SBNO2: variants seen among roughly 807,000 people sequenced by gnomAD.
The protein encoded by SBNO2 is strawberry notch homolog 2, also known as protein strawberry notch homolog 2.
Under a neutral mutation model 146.3 loss-of-function variants are expected in SBNO2, and 89 were observed. The ratio of observed to expected loss-of-function variants is 0.61; its 90% CI spans 0.51 to 0.73. The LOEUF is 0.73. Ranked by LOEUF, SBNO2 falls within the 30% of genes least tolerant of loss-of-function variation. SBNO2 has a pLI of 0.00. For missense variants in SBNO2, 2,092 were observed against 2,003.7 expected, an observed-to-expected ratio of 1.04 and a Z score of -0.84; for synonymous variants, 1,147 against 892.6, an observed-to-expected ratio of 1.29 and a Z score of -5.08.
chr19:1,128,953 A>G lies in SBNO2; in HGVS notation c.280-1188T>C, dbSNP rs1468024876. 1.6e-4 allele frequency among the ~76,000 whole-genome samples: 21 copies of G among 128,764 alleles called. 1 individual carries two copies. In the Admixed American group the frequency reaches 1.7e-3, roughly 10 times the overall value. The allele number at this position is 128,764 out of a possible 152,430, so 84.5% of individuals were successfully genotyped here. A position where few individuals can be genotyped will look rare whatever the true frequency, so the allele number is the denominator to read the frequency against. ...AACTACATTCCAGCCTGGGTGACAG[A>G]GCAAGACTCTGTCTCAAAAAAAAAA... On this transcript the variant is annotated intron_variant, in intron 4 of 31. Coordinates refer to ENST00000361757, the MANE Select transcript of SBNO2 (RefSeq NM_014963.3).
chr19:1,127,606 T>C lies in SBNO2; in HGVS notation c.439A>G (p.Lys147Glu). The change falls in exon 5 of 32, where the codon AAG (lysine) becomes GAG (glutamate). Residue 147 changes from lysine (K) to glutamate (E), a missense_variant and splice_region_variant. Transcript: ENST00000361757. ...CTGGGGGCACCGGGCGCACTGACCT[T>C]ATCGTGGGTGGAGGGGGCAGGGTTA... is the stretch of plus-strand genomic sequence containing the variant. Reference protein sequence around the residue: ...DDNPAPSTHDKLFQLSRPFAG... With the variant: ...DDNPAPSTHDELFQLSRPFAG... The C allele has an allele frequency of 6.2e-7, 1 of 1,612,192 alleles. No individual in the cohort carries two copies. Among genetic ancestry groups the C allele is most frequent in the South Asian group, 1.1e-5 (1 of 91,032 alleles).
chr19:1,150,126 G>C lies in SBNO2; in HGVS notation c.94-684C>G, dbSNP rs919340065. Among the ~76,000 whole-genome samples the C allele has an allele frequency of 6.6e-6, 1 of 152,144 alleles. No homozygotes were observed. Among genetic ancestry groups the C allele is most frequent in the Non-Finnish European group, 1.5e-5 (1 of 67,998 alleles). On this transcript the variant is annotated intron_variant, in intron 2 of 31. Coordinates refer to ENST00000361757, the MANE Select transcript of SBNO2 (RefSeq NM_014963.3). This position sits in a 1 kb window ranked among gnomAD's most constrained non-coding sequence, Gnocchi z 6.2. Reference sequence around the variant, plus strand: ...GGTTGGCCGAATCTCTGGTGGGTCTGACTCCAGGCCAGGCTTACCCAACAC... The same window carrying C: ...GGTTGGCCGAATCTCTGGTGGGTCTCACTCCAGGCCAGGCTTACCCAACAC...
At chr19:1,159,486 G>C (rs1195385057) in intron 1 of SBNO2, among the ~76,000 whole-genome samples, 1 of 107,012 alleles carries the variant, frequency 9.3e-6, no homozygotes, top group Non-Finnish European at 2.0e-5. Flanking sequence ...GGGACAGCAG[G>C]GGACAGTGGG....
chr19:1,117,346 G>C lies in SBNO2; in HGVS notation c.1681C>G (p.Arg561Gly), dbSNP rs1196515584. The C allele has an allele frequency of 6.3e-7, 1 of 1,576,008 alleles. No individual in the cohort carries two copies. The highest frequency in any genetic ancestry group is 8.6e-7 in the Non-Finnish European group (1 of 1,162,206). ...ACCTTGTCTCGCGCCAGCTCCTCTC[G>C]GGCCAGCTCCACCAGCCGGCGCACC... The part of the protein sequence containing the change: ...AKVRRLVELA[R>G]EELARDKCVV... Residue 561 changes from arginine to glycine, a missense_variant, in exon 15 of 32, where the codon CGA becomes GGA. Arg to Gly is a moderately radical substitution (Grantham distance 125). Coordinates refer to ENST00000361757, the MANE Select transcript of SBNO2 (RefSeq NM_014963.3).
chr19:1,123,772 C>A, intron 6 of SBNO2, 133 bp from the exon 7 acceptor site: 1 of 1,086,254 alleles, frequency 9.2e-7, no homozygotes, highest in South Asian at 1.5e-5. Flanking sequence ...CTCTGTCTGC[C>A]CCTGCAGCAA....
At chr19:1,152,656 C>T (rs920170312) in intron 2 of SBNO2, among the ~76,000 whole-genome samples, 1 of 152,176 alleles carries the variant, frequency 6.6e-6, no homozygotes, top group Admixed American at 6.5e-5. Context: ...ACCCTGGCCC[C>T]AGCTCAGAGC....
chr19:1,131,930 C>G (rs988583469), intron 4 of SBNO2, among the ~76,000 whole-genome samples: 1 of 152,238 alleles, frequency 6.6e-6, no homozygotes, highest in East Asian at 1.9e-4. Flanking sequence ...CCAGAAGAGA[C>G]GGACGGGGCG....
At position 1,109,272 on chromosome 19, in the gene SBNO2, T is replaced by A; in HGVS notation, c.3348+20A>T. On this transcript the variant is annotated intron_variant, in intron 29 of 31. Coordinates refer to ENST00000361757, the MANE Select transcript of SBNO2 (RefSeq NM_014963.3). This position sits in a 1 kb window ranked among gnomAD's most constrained non-coding sequence, Gnocchi z 4.2. The stretch of plus-strand genomic sequence containing the variant: ...CAGGGCCGGCAACCCGAGCGAAAGC[T>A]GCGCCCGGCGGCCGCCTACCCGGTG... 6.3e-7 allele frequency: 1 copy of A among 1,584,528 alleles called. No homozygotes were observed. The highest frequency in any genetic ancestry group is 8.6e-7 in the Non-Finnish European group (1 of 1,166,162).
chr19:1,168,355 C>T (rs1400419500), intron 1 of SBNO2, among the ~76,000 whole-genome samples: 2 of 152,190 alleles, frequency 1.3e-5, no homozygotes, highest in East Asian at 1.9e-4. Context: ...CGGGCAACAC[C>T]GACAGCCATT....
chr19:1,133,414 T>C (rs1041723631), intron 4 of SBNO2, among the ~76,000 whole-genome samples: 2 of 151,598 alleles, frequency 1.3e-5, no homozygotes, highest in African/African-American at 4.9e-5. Context: ...GAGGGGAGAG[T>C]GGGACCAGGG....
chr19:1,169,014 G>C (rs562934667), intron 1 of SBNO2: 1 of 152,272 alleles, frequency 6.6e-6, no homozygotes, highest in Non-Finnish European at 1.5e-5. Flanking sequence ...GGCCAAGGCC[G>C]CCTCTTTCGG....
intron 1 of SBNO2, among the ~76,000 whole-genome samples, chr19:1,164,429 G>GAAC (rs1568643512): frequency 4.3e-4 from 7 of 16,106 alleles, no homozygotes; most frequent in African/African-American, 7.1e-4. Flanking sequence ...ACAGGAGGAG[G>GAAC]AGGAGGAGGA....
chr19:1,132,079 G>T, intron 4 of SBNO2: 21 of 1,527,186 alleles, frequency 1.4e-5, no homozygotes, highest in Non-Finnish European at 1.8e-5. Context: ...GCCCCGGGAA[G>T]GGAGTGTTAC....
In SBNO2 at chr19:1,158,766, G is replaced by A. The variant is rs2080315955; in HGVS notation, c.-126-4364C>T. ...TCCCTGCGTCCCAGGACCTGAAGAT[G>A]GCAAGGAGCAGGCCCCCGGGTGTCC... On this transcript the variant is annotated intron_variant, in intron 1 of 31. Coordinates refer to ENST00000361757, the MANE Select transcript of SBNO2 (RefSeq NM_014963.3). This position sits in a 1 kb window ranked among gnomAD's most constrained non-coding sequence, Gnocchi z 9.9. Among the ~76,000 whole-genome samples, 1 of 152,170 alleles carries A rather than the reference G, an allele frequency of 6.6e-6. No individual in the cohort carries two copies. Among genetic ancestry groups the A allele is most frequent in the Admixed American group, 6.5e-5 (1 of 15,288 alleles).
chr19:1,129,558 C>T (rs1042625345), intron 4 of SBNO2, among the ~76,000 whole-genome samples: 2 of 152,140 alleles, frequency 1.3e-5, no homozygotes, highest in Admixed American at 6.5e-5. Flanking sequence ...CTGGAGGCCC[C>T]GATCGGCAGG....
In SBNO2 at chr19:1,109,926, C is replaced by A. The variant is rs540936815; in HGVS notation, c.3029-149G>T. 3.2e-6 allele frequency: 2 copies of A among 632,944 alleles called. No individual in the cohort carries two copies. The highest frequency in any genetic ancestry group is 2.0e-5 in the South Asian group (1 of 50,576). 39.2% of individuals were successfully genotyped at this position (632,944 alleles called of 1,614,324 possible). A position where few individuals can be genotyped will look rare whatever the true frequency, so the allele number is the denominator to read the frequency against. On this transcript the variant is annotated intron_variant, in intron 26 of 31. Transcript: ENST00000361757. The surrounding 1 kb of genome is among the most constrained non-coding windows in gnomAD (Gnocchi z 4.2). Reference sequence around the variant, plus strand: ...TGGATCCTGGCCTGACCTGGCCCAGCGTGGGGATGGTGCACGTGGGCCCCA... The same window carrying A: ...TGGATCCTGGCCTGACCTGGCCCAGAGTGGGGATGGTGCACGTGGGCCCCA...
chr19:1,173,889 G>C lies in SBNO2; in HGVS notation c.-127+283C>G, dbSNP rs1360063892. On this transcript the variant is annotated intron_variant, in intron 1 of 31. Transcript: ENST00000361757. The surrounding 1 kb of genome is among the most constrained non-coding windows in gnomAD (Gnocchi z 4.7). ...TTGGGAGGGTTGTCGTGGAAGGTAG[G>C]GTTAAGGTTCACGGCAGGGGGTCGC... 6.6e-6 allele frequency: 1 copy of C among 150,378 alleles called. No homozygotes were observed. Among genetic ancestry groups the C allele is most frequent in the Non-Finnish European group, 1.5e-5 (1 of 67,458 alleles). The allele number at this position is 150,378 out of a possible 1,614,324, so 9.3% of individuals were successfully genotyped here.
chr19:1,112,754 C>T lies in SBNO2; in HGVS notation c.2379+64G>A. 3 of 1,507,404 alleles carry T rather than the reference C, an allele frequency of 2.0e-6. No homozygotes were observed. The highest frequency in any genetic ancestry group is 2.1e-5 in the Admixed American group (1 of 48,690). 93.4% of individuals were successfully genotyped at this position (1,507,404 alleles called of 1,614,324 possible). On this transcript the variant is annotated intron_variant, in intron 20 of 31. Transcript: ENST00000361757. The surrounding 1 kb of genome is among the most constrained non-coding windows in gnomAD (Gnocchi z 5.9). ...TGCGCGGGTCCACAGTCCCCGGGGACCCTTGGGCCCCTCTGTGCCTCTTGG... is the reference window on the plus strand; with the variant it reads ...TGCGCGGGTCCACAGTCCCCGGGGATCCTTGGGCCCCTCTGTGCCTCTTGG...
At chr19:1,124,107 G>C in intron 5 of SBNO2, 85 bp from the exon 6 acceptor site, 1 of 1,264,502 alleles carries the variant, frequency 7.9e-7, no homozygotes, top group Non-Finnish European at 1.1e-6. Context: ...CCAGAGGGAG[G>C]CTCCCCACTG....
Sources: gnomAD v4.1 joint callset for allele counts (sites outside exome capture counted in the v4.1 genomes callset) on GRCh38, gnomAD v4.1.1 for gene constraint, Gnocchi (gnomAD v3.1) non-coding constraint, MANE v1.5 for transcripts, NCBI Gene and HGNC (gene_info 2026-07-23, HGNC 2026-07-21) for gene names.